Variants in SDK1 observed in about 807,000 individuals in gnomAD.
The protein encoded by SDK1 is sidekick cell adhesion molecule 1, also known as protein sidekick-1.
In SDK1, 157 loss-of-function variants were observed where a neutral mutation model predicts 245.5. The observed-to-expected ratio is 0.64, with a 90% CI of 0.56 to 0.73. SDK1 has a LOEUF of 0.73. Ranked by LOEUF, SDK1 falls within the 30% of genes least tolerant of loss-of-function variation. SDK1 has a pLI of 0.00. For missense variants in SDK1, 3,583 were observed against 3,002.3 expected (o/e 1.19, Z -4.52); for synonymous variants, 1,647 against 1,278.5 (o/e 1.29, Z -6.15).
At chr7:4,009,254 G>A (rs377004771) in intron 14 of SDK1, among the ~76,000 whole-genome samples, 27 of 152,298 alleles carry the variant, frequency 1.8e-4, no homozygotes, top group African/African-American at 5.5e-4. Context: ...GTTCTCTTCA[G>A]AATGAGAACG....
intron 1 of SDK1, among the ~76,000 whole-genome samples, chr7:3,407,995 A>T (rs1158510715): frequency 6.6e-6 from 1 of 152,130 alleles, no homozygotes; most frequent in East Asian, 1.9e-4. Flanking sequence ...AAAAAGACTT[A>T]GGCAAAGGCG....
Position 4,266,426 on chromosome 7 carries a change from C to G in SDK1, c.*1042C>G. 1 of 985,340 alleles carries G rather than the reference C, an allele frequency of 1.0e-6. No homozygotes were observed. The highest frequency in any genetic ancestry group is 1.2e-6 in the Non-Finnish European group (1 of 829,910). The allele number at this position is 985,340 out of a possible 1,614,324, so 61.0% of individuals were successfully genotyped here. ...GAGAACACACGCTCCCGACTCGCCT[C>G]GTGCACACCAGGCCGTCCCCTCCCT... is the stretch of plus-strand genomic sequence containing the variant. On this transcript the variant is annotated 3_prime_UTR_variant, in exon 45 of 45. Transcript: ENST00000404826.
intron 20 of SDK1, among the ~76,000 whole-genome samples, chr7:4,068,140 A>G (rs988359484): frequency 5.3e-5 from 8 of 152,002 alleles, no homozygotes; most frequent in Non-Finnish European, 1.2e-4. Context: ...GGGGCCCTTT[A>G]CTGTGTGGGC....
chr7:3,760,040 T>TC (rs1780047777), intron 4 of SDK1, among the ~76,000 whole-genome samples: 1 of 152,224 alleles, frequency 6.6e-6, no homozygotes, highest in Non-Finnish European at 1.5e-5. Context: ...TATTTTTTTT[T>TC]CAAATTTGAC....
At chr7:3,845,023 G>A (rs900517410) in intron 5 of SDK1, among the ~76,000 whole-genome samples, 1 of 152,240 alleles carries the variant, frequency 6.6e-6, no homozygotes, top group East Asian at 1.9e-4. Context: ...AAAAATCTAC[G>A]CTTAACTACC....
Position 3,945,053 on chromosome 7 carries a change from G to A in SDK1, c.848-5870G>A, listed in dbSNP as rs529740093. Among the ~76,000 whole-genome samples, 4 of 152,352 alleles carry A rather than the reference G, an allele frequency of 2.6e-5. No individual in the cohort carries two copies. In the South Asian group the frequency reaches 8.3e-4, roughly 32 times the overall value. On this transcript the variant is annotated intron_variant, in intron 5 of 44. Transcript: ENST00000404826. ...CACTTGAGCTTCGGAGGCAGAGTTT[G>A]CAGTGAGCTGAGATTGTGCCACTGC...
intron 5 of SDK1, among the ~76,000 whole-genome samples, chr7:3,936,187 G>T (rs779556847): frequency 6.6e-6 from 1 of 152,172 alleles, no homozygotes; most frequent in African/African-American, 2.4e-5. Context: ...CTAGAATCAA[G>T]TTCACAGAGA....
chr7:3,402,772 A>G (rs200960518), intron 1 of SDK1, among the ~76,000 whole-genome samples: 2 of 152,220 alleles, frequency 1.3e-5, no homozygotes, highest in East Asian at 3.8e-4. Flanking sequence ...TTTTGAGTCT[A>G]TTAGTTAATA....
At chr7:3,665,606 G>T (rs1393205375) in intron 4 of SDK1, among the ~76,000 whole-genome samples, 1 of 152,140 alleles carries the variant, frequency 6.6e-6, no homozygotes, top group South Asian at 2.1e-4. Context: ...TTGTTTCCTT[G>T]TCCTTCTCTT....
chr7:4,078,912 G>A (rs907793961), intron 21 of SDK1, among the ~76,000 whole-genome samples: 3 of 152,188 alleles, frequency 2.0e-5, no homozygotes. Context: ...TCTTGGAAAC[G>A]AAATCCAAGA....
At chr7:3,876,265 A>C (rs1781074662) in intron 5 of SDK1, among the ~76,000 whole-genome samples, 1 of 152,168 alleles carries the variant, frequency 6.6e-6, no homozygotes, top group African/African-American at 2.4e-5. Context: ...CCTAATTTCC[A>C]GCTTTTTGGG....
At position 3,484,488 on chromosome 7, in the gene SDK1, T is replaced by C. The variant is rs113877438; in HGVS notation, c.299-134592T>C. ...AGGAACGGCTATATTTTCAGTTTGG[T>C]TGGAAAAATATCCTTGTATAAGTGG... On this transcript the variant is annotated intron_variant, in intron 1 of 44. Transcript: ENST00000404826. 3.7e-4 allele frequency among the ~76,000 whole-genome samples: 57 copies of C among 152,336 alleles called. 1 individual carries two copies. Among genetic ancestry groups the C allele is most frequent in the African/African-American group, 9.9e-4 (41 of 41,566 alleles).
At chr7:3,747,512 A>G (rs1053691207) in intron 4 of SDK1, among the ~76,000 whole-genome samples, 3 of 152,316 alleles carry the variant, frequency 2.0e-5, no homozygotes, top group African/African-American at 7.2e-5. Context: ...TTATTTAGCA[A>G]ATGCTGTCGT....
intron 4 of SDK1, among the ~76,000 whole-genome samples, chr7:3,710,075 T>G (rs955763234): frequency 2.6e-5 from 4 of 152,266 alleles, no homozygotes; most frequent in Non-Finnish European, 5.9e-5. Flanking sequence ...TAAACATTCC[T>G]AATTAAACCT....
chr7:3,880,092 C>G (rs1265523332), intron 5 of SDK1, among the ~76,000 whole-genome samples: 1 of 152,180 alleles, frequency 6.6e-6, no homozygotes, highest in Non-Finnish European at 1.5e-5. Context: ...TCAATCATCT[C>G]TGTGCCCTTT....
intron 1 of SDK1, among the ~76,000 whole-genome samples, chr7:3,563,397 A>T (rs1234312606): frequency 6.6e-6 from 1 of 152,214 alleles, no homozygotes; most frequent in Non-Finnish European, 1.5e-5. Context: ...TTGGAAATAA[A>T]AGGATGGAAG....
intron 1 of SDK1, among the ~76,000 whole-genome samples, chr7:3,375,693 A>G (rs1008613136): frequency 1.2e-4 from 19 of 152,180 alleles, no homozygotes; most frequent in African/African-American, 4.1e-4. Flanking sequence ...GCCTTGGTCA[A>G]CCGCCACCAT....
chr7:3,701,478 T>C (rs1268077654), intron 4 of SDK1, among the ~76,000 whole-genome samples: 2 of 152,188 alleles, frequency 1.3e-5, no homozygotes, highest in East Asian at 3.9e-4. Context: ...CACGTGCCTG[T>C]AGTCCCAGCT....
At chr7:4,071,435 A>G (rs1206527088) in intron 20 of SDK1, among the ~76,000 whole-genome samples, 1 of 152,178 alleles carries the variant, frequency 6.6e-6, no homozygotes, top group African/African-American at 2.4e-5. Context: ...AATGGGGGGA[A>G]GTCACTACTA....
Sources: gnomAD v4.1 joint callset for allele counts (sites outside exome capture counted in the v4.1 genomes callset) on GRCh38, gnomAD v4.1.1 for gene constraint, MANE v1.5 for transcripts, NCBI Gene and HGNC (gene_info 2026-07-23, HGNC 2026-07-21) for gene names.